The following ANKRD28 variants were observed in gnomAD, a reference collection of about 807,000 sequenced individuals.
ANKRD28 encodes serine/threonine-protein phosphatase 6 regulatory ankyrin repeat subunit A.
A neutral mutation model predicts 126.5 loss-of-function variants in ANKRD28; 44 were observed. The ratio of observed to expected loss-of-function variants is 0.35; its 90% CI spans 0.27 to 0.45. ANKRD28 has a LOEUF of 0.45. Ranked by LOEUF, ANKRD28 falls within the 20% of genes least tolerant of loss-of-function variation. The pLI, the probability that ANKRD28 is intolerant of heterozygous loss-of-function variation, is 1.00. For missense variants in ANKRD28, 1,110 were observed against 1,316.6 expected, an observed-to-expected ratio of 0.84 and a Z score of 2.43; for synonymous variants, 442 against 468.5, an observed-to-expected ratio of 0.94 and a Z score of 0.73.
At chr3:15,767,958 C>T (rs2058828145) in intron 2 of ANKRD28, among the ~76,000 whole-genome samples, 2 of 152,100 alleles carry the variant, frequency 1.3e-5, no homozygotes, top group Non-Finnish European at 2.9e-5. Flanking sequence ...TTGTTTCCTG[C>T]TTCCCACAGG....
chr3:15,715,559 T>C lies in ANKRD28; in HGVS notation c.997-903A>G, dbSNP rs114462035. On this transcript the variant is annotated intron_variant, in intron 8 of 27. Coordinates refer to ENST00000683139, the MANE Select transcript of ANKRD28 (RefSeq NM_001349278.2). ...TAATTTTACAGAAGTTCTAATCTTT[T>C]GGAGGCAGTACGAGAAAGGAAGGGG... is the stretch of plus-strand genomic sequence containing the variant. Among the ~76,000 whole-genome samples the C allele has an allele frequency of 3.7e-3, 571 of 152,344 alleles. 3 individuals are homozygous for C. Among genetic ancestry groups the C allele is most frequent in the African/African-American group, 0.013 (550 of 41,570 alleles).
Position 15,692,863 on chromosome 3 carries a change from G to T in ANKRD28, c.1761+1876C>A, listed in dbSNP as rs549214881. The stretch of plus-strand genomic sequence containing the variant: ...ATAGCCAAGAGAAGAAAGCAACCCA[G>T]CATCTATTGTCAGATGAATGGATAA... On this transcript the variant is annotated intron_variant, in intron 17 of 27. Coordinates refer to ENST00000683139, the MANE Select transcript of ANKRD28 (RefSeq NM_001349278.2). Among the ~76,000 whole-genome samples the T allele has an allele frequency of 2.0e-4, 30 of 152,260 alleles. No individual in the cohort carries two copies. In the South Asian group the frequency reaches 6.0e-3, roughly 31 times the overall value.
chr3:15,725,618 C>A (rs2074098423), intron 6 of ANKRD28, among the ~76,000 whole-genome samples: 1 of 152,102 alleles, frequency 6.6e-6, no homozygotes, highest in Non-Finnish European at 1.5e-5. Context: ...GTGTCTGTGT[C>A]ATGTTTTGGT....
intron 23 of ANKRD28, among the ~76,000 whole-genome samples, chr3:15,678,776 T>C (rs1197182106): frequency 2.0e-5 from 3 of 152,212 alleles, no homozygotes; most frequent in African/African-American, 7.2e-5. Flanking sequence ...GGGAAAAATA[T>C]TTACATGTTA....
chr3:15,743,759 G>C lies in ANKRD28; in HGVS notation c.352-6526C>G, dbSNP rs548043063. Among the ~76,000 whole-genome samples the C allele has an allele frequency of 7.2e-5, 11 of 152,316 alleles. No individual in the cohort carries two copies. In the South Asian group the frequency reaches 8.3e-4, roughly 11 times the overall value. Reference sequence around the variant, plus strand: ...ATAGCCAGCTAGTAGGAGGTGGTGTGGAAACTATGTCACTGAAGGAGAGTT... The same window carrying C: ...ATAGCCAGCTAGTAGGAGGTGGTGTCGAAACTATGTCACTGAAGGAGAGTT... On this transcript the variant is annotated intron_variant, in intron 4 of 27. Transcript: ENST00000683139.
rs538937159 is a variant in ANKRD28, at chr3:15,796,934, G to A, written c.-413C>T. 1.0e-5 allele frequency: 10 copies of A among 985,510 alleles called. No individual in the cohort carries two copies. In the South Asian group the frequency reaches 4.7e-4, roughly 46 times the overall value. 61.0% of individuals were successfully genotyped at this position (985,510 alleles called of 1,614,324 possible). ...AACACCACACAATATAGAATGAAAT[G>A]AGAAACAACTGCTGTGACAGAGATG... is the stretch of plus-strand genomic sequence containing the variant. On this transcript the variant is annotated 5_prime_UTR_variant, in exon 1 of 28. Coordinates refer to ENST00000683139, the MANE Select transcript of ANKRD28 (RefSeq NM_001349278.2).
chr3:15,684,043 C>T (rs1010701714), intron 21 of ANKRD28: 3 of 152,032 alleles, frequency 2.0e-5, no homozygotes, highest in African/African-American at 7.2e-5. Context: ...TCATAATTAA[C>T]ATTAATCTTG....
At chr3:15,791,479 ATT>A (rs2060023211) in intron 2 of ANKRD28, among the ~76,000 whole-genome samples, 1 of 152,152 alleles carries the variant, frequency 6.6e-6, no homozygotes, top group Admixed American at 6.6e-5. Context: ...CAGCAAACTC[ATT>A]TTTGACAAAG....
chr3:15,747,729 T>G (rs2057574052), intron 4 of ANKRD28, among the ~76,000 whole-genome samples: 1 of 152,192 alleles, frequency 6.6e-6, no homozygotes, highest in African/African-American at 2.4e-5. Context: ...AGGGCATAGT[T>G]TAGGTCCATT....
chr3:15,772,285 A>T (rs1316751592), intron 2 of ANKRD28, among the ~76,000 whole-genome samples: 2 of 152,226 alleles, frequency 1.3e-5, no homozygotes, highest in African/African-American at 4.8e-5. Flanking sequence ...CAATATAATT[A>T]GTAATCTTCA....
intron 2 of ANKRD28, among the ~76,000 whole-genome samples, chr3:15,794,799 C>T (rs2060201854): frequency 1.3e-5 from 2 of 152,144 alleles, no homozygotes; most frequent in South Asian, 2.1e-4. Flanking sequence ...TTTAGATATA[C>T]ACTTACAAGA....
At chr3:15,770,882 G>C (rs1039244854) in intron 2 of ANKRD28, among the ~76,000 whole-genome samples, 7 of 152,320 alleles carry the variant, frequency 4.6e-5, no homozygotes, top group Non-Finnish European at 1.0e-4. Flanking sequence ...AGAATGGTGA[G>C]AGTGTCTTAG....
chr3:15,753,658 AT>A (rs1335611859), intron 3 of ANKRD28, among the ~76,000 whole-genome samples: 1 of 151,932 alleles, frequency 6.6e-6, no homozygotes, highest in Non-Finnish European at 1.5e-5. Context: ...TAGCAGGAGA[AT>A]AGAAGGGCAC....
Position 15,686,221 on chromosome 3 carries a change from C to T in ANKRD28, c.2051+1G>A. The T allele has an allele frequency of 6.3e-7, 1 of 1,590,546 alleles. No individual in the cohort carries two copies. Among genetic ancestry groups the T allele is most frequent in the Non-Finnish European group, 8.6e-7 (1 of 1,167,012 alleles). ...TGCAACAATTATTTATCGAAACTTA[C>T]TGTCCATTTCCATCTTGAATATCCA... On this transcript the variant is annotated splice_donor_variant, in intron 19 of 27. Transcript: ENST00000683139. LOFTEE classifies it high-confidence loss of function.
chr3:15,743,513 G>C (rs962875096), intron 4 of ANKRD28, among the ~76,000 whole-genome samples: 5 of 148,830 alleles, frequency 3.4e-5, no homozygotes, highest in Admixed American at 2.0e-4. Flanking sequence ...AATATAAGTC[G>C]TATGCTCTCC....
At chr3:15,693,327 CAGAG>C (rs59750718) in intron 17 of ANKRD28, among the ~76,000 whole-genome samples, 170 of 148,016 alleles carry the variant, frequency 1.1e-3, no homozygotes, top group Middle Eastern at 3.4e-3. Flanking sequence ...AATGGGGGGG[CAGAG>C]AGAGAGAGAG....
intron 15 of ANKRD28, among the ~76,000 whole-genome samples, chr3:15,695,590 T>C (rs1156419423): frequency 6.6e-6 from 1 of 152,180 alleles, no homozygotes; most frequent in African/African-American, 2.4e-5. Flanking sequence ...ATCTTTAACC[T>C]AAAGTATCTG....
At chr3:15,836,069 GA>G (rs1179727897) in intron 1 of ANKRD28, among the ~76,000 whole-genome samples, 1 of 151,492 alleles carries the variant, frequency 6.6e-6, no homozygotes, top group Admixed American at 6.6e-5. Context: ...GAATTATATT[GA>G]AAAAAAGAGA....
chr3:15,687,850 C>T (rs961734865), intron 18 of ANKRD28, among the ~76,000 whole-genome samples: 4 of 152,232 alleles, frequency 2.6e-5, no homozygotes, highest in African/African-American at 7.2e-5. Context: ...AGTTCACAGT[C>T]GCTACTGATG....
Sources: gnomAD v4.1 joint callset for allele counts (sites outside exome capture counted in the v4.1 genomes callset) on GRCh38, gnomAD v4.1.1 for gene constraint, MANE v1.5 for transcripts, NCBI Gene and HGNC (gene_info 2026-07-23, HGNC 2026-07-21) for gene names.